The following LEF1 variants were observed in gnomAD, a reference collection of about 807,000 sequenced individuals.
The protein encoded by LEF1 is lymphoid enhancer binding factor 1.
A neutral mutation model predicts 51.2 loss-of-function variants in LEF1; 14 were observed. That is an observed-to-expected ratio of 0.27 (90% CI 0.18 to 0.43). LEF1 has a LOEUF of 0.43. Among genes scored for constraint, LEF1 ranks in the 20% least tolerant of loss-of-function variants. The pLI is 1.00. For missense variants in LEF1, 386 were observed against 512.0 expected, an observed-to-expected ratio of 0.75 and a Z score of 2.37; for synonymous variants, 185 against 183.2, an observed-to-expected ratio of 1.01 and a Z score of -0.08.
intron 11 of LEF1, among the ~76,000 whole-genome samples, chr4:108,057,079 C>T (rs1737356806): frequency 6.6e-6 from 1 of 152,046 alleles, no homozygotes; most frequent in South Asian, 2.1e-4. Flanking sequence ...CCTTCCCCTC[C>T]CTAGATGCAG....
At chr4:108,115,842 C>CACCT (rs1413365977) in intron 3 of LEF1, among the ~76,000 whole-genome samples, 5 of 131,960 alleles carry the variant, frequency 3.8e-5, no homozygotes, top group African/African-American at 1.5e-4. Context: ...TATAATGTAA[C>CACCT]ACATACACAC....
At chr4:108,087,455 A>T (rs567791166) in intron 4 of LEF1, among the ~76,000 whole-genome samples, 1 of 152,308 alleles carries the variant, frequency 6.6e-6, no homozygotes, top group African/African-American at 2.4e-5. Context: ...AAGCAATGAT[A>T]TAACTTAACA....
intron 1 of LEF1, among the ~76,000 whole-genome samples, chr4:108,165,653 A>G (rs1745337824): frequency 6.6e-6 from 1 of 152,238 alleles, no homozygotes; most frequent in African/African-American, 2.4e-5. Flanking sequence ...TCTTAAGGCA[A>G]CTGCCCTGAG....
intron 3 of LEF1, among the ~76,000 whole-genome samples, chr4:108,106,355 G>C (rs79151491): frequency 0.041 from 6,195 of 152,218 alleles, 394 homozygotes; most frequent in African/African-American, 0.14. Flanking sequence ...CCAGGCAGGA[G>C]GTAATAAGGA....
Position 108,131,388 on chromosome 4 carries a change from TAA to T in LEF1, c.414+32178_414+32179del, listed in dbSNP as rs34472924. Among the ~76,000 whole-genome samples, 432 of 139,128 alleles carry T rather than the reference TAA, an allele frequency of 3.1e-3. 1 individual carries two copies. The highest frequency in any genetic ancestry group is 6.4e-3 in the East Asian group (30 of 4,654). 91.3% of individuals were successfully genotyped at this position (139,128 alleles called of 152,430 possible). ...AGGTGACAGAGCAAGACCCTATCTC[TAA>T]AAAAAAAAAAAAAAATGTTTTAAAT... On this transcript the variant is annotated intron_variant, in intron 3 of 11. Transcript: ENST00000265165.
chr4:108,099,887 A>T (rs1010621337), intron 3 of LEF1, among the ~76,000 whole-genome samples: 3 of 152,066 alleles, frequency 2.0e-5, no homozygotes, highest in Admixed American at 6.6e-5. Context: ...AAGCAGTTAT[A>T]TGTAACTTCT....
At chr4:108,142,017 T>C (rs1036736566) in intron 3 of LEF1, among the ~76,000 whole-genome samples, 3 of 152,200 alleles carry the variant, frequency 2.0e-5, no homozygotes, top group Non-Finnish European at 4.4e-5. Context: ...GGGCATTTTA[T>C]AACTCAGACC....
intron 11 of LEF1, among the ~76,000 whole-genome samples, chr4:108,059,024 C>A (rs1464373900): frequency 1.3e-5 from 2 of 152,206 alleles, no homozygotes; most frequent in African/African-American, 2.4e-5. Context: ...GCTTGGGGAC[C>A]ACCATCTCCA....
chr4:108,080,522 T>C (rs1412970292), intron 6 of LEF1, among the ~76,000 whole-genome samples: 1 of 152,166 alleles, frequency 6.6e-6, no homozygotes, highest in Non-Finnish European at 1.5e-5. Context: ...AATTTTAAAA[T>C]ATGAAGGAAG....
At chr4:108,115,759 G>A (rs892137104) in intron 3 of LEF1, among the ~76,000 whole-genome samples, 2 of 151,928 alleles carry the variant, frequency 1.3e-5, no homozygotes, top group Non-Finnish European at 2.9e-5. Flanking sequence ...GTGAGACCTT[G>A]AAATTCATTT....
At chr4:108,164,742 A>ATACC (rs2110425698) in intron 2 of LEF1, among the ~76,000 whole-genome samples, 1 of 152,258 alleles carries the variant, frequency 6.6e-6, no homozygotes, top group Non-Finnish European at 1.5e-5. Flanking sequence ...AAATAAATCG[A>ATACC]TATATACTGT....
intron 4 of LEF1, among the ~76,000 whole-genome samples, chr4:108,088,540 C>T (rs7676998): frequency 0.45 from 68,588 of 152,064 alleles, 17,691 homozygotes; most frequent in Middle Eastern, 0.68. Context: ...ATTTTTCAGA[C>T]CTCTTGCACT....
intron 11 of LEF1, among the ~76,000 whole-genome samples, chr4:108,052,374 A>T (rs2126253756): frequency 6.6e-6 from 1 of 152,382 alleles, no homozygotes; most frequent in South Asian, 2.1e-4. Flanking sequence ...TACTAACAAG[A>T]GGCAGGAGCC....
At chr4:108,139,467 G>A (rs370610817) in intron 3 of LEF1, among the ~76,000 whole-genome samples, 48 of 152,330 alleles carry the variant, frequency 3.2e-4, no homozygotes, top group African/African-American at 1.1e-3. Flanking sequence ...GAAACTTGAA[G>A]GGCTGTTAAA....
chr4:108,125,523 T>C (rs1742472788), intron 3 of LEF1, among the ~76,000 whole-genome samples: 1 of 152,178 alleles, frequency 6.6e-6, no homozygotes, highest in Non-Finnish European at 1.5e-5. Flanking sequence ...TTCCACATGC[T>C]ATCATTTTCC....
Position 108,089,243 on chromosome 4 carries a change from G to A in LEF1, c.429C>T (p.Pro143=), listed in dbSNP as rs377211426. 1.1e-4 allele frequency: 174 copies of A among 1,613,804 alleles called. No homozygotes were observed. The highest frequency in any genetic ancestry group is 1.7e-4 in the African/African-American group (13 of 74,986). The change falls in exon 4 of 12, where the codon CCC becomes CCT. Residue 143 remains proline, a synonymous_variant. Coordinates refer to ENST00000265165, the MANE Select transcript of LEF1 (RefSeq NM_016269.5). The part of the protein sequence containing the change: ...PPIPRTSNKV[P]VVQPSHAVHP... Reference sequence around the variant, plus strand: ...GGACCGCATGGGATGGCTGCACCACGGGCACTTTATTTGACTGCAAAGTAA... The same window carrying A: ...GGACCGCATGGGATGGCTGCACCACAGGCACTTTATTTGACTGCAAAGTAA...
Position 108,167,876 on chromosome 4 carries a change from G to T in LEF1, c.-109C>A, listed in dbSNP as rs1578419371. 5.1e-6 allele frequency: 5 copies of T among 973,492 alleles called. No individual in the cohort carries two copies. The highest frequency in any genetic ancestry group is 3.3e-4 in the Middle Eastern group (1 of 2,988). 60.3% of individuals were successfully genotyped at this position (973,492 alleles called of 1,614,324 possible). A position where few individuals can be genotyped will look rare whatever the true frequency, so the allele number is the denominator to read the frequency against. ...GAGGAAAGGAGAGTTGGAAGGGTTC[G>T]TGCAGCAGGACAGCGGGCGGAAGCG... On this transcript the variant is annotated 5_prime_UTR_variant, in exon 1 of 12. Coordinates refer to ENST00000265165, the MANE Select transcript of LEF1 (RefSeq NM_016269.5). The surrounding 1 kb of genome is among the most constrained non-coding windows in gnomAD (Gnocchi z 5.7).
At chr4:108,133,926 CT>C (rs1043232546) in intron 3 of LEF1, among the ~76,000 whole-genome samples, 3 of 152,136 alleles carry the variant, frequency 2.0e-5, no homozygotes, top group Admixed American at 6.5e-5. Context: ...GTACAGGCCC[CT>C]AATCTCTTAT....
chr4:108,133,913 T>C (rs1007224979), intron 3 of LEF1, among the ~76,000 whole-genome samples: 4 of 152,164 alleles, frequency 2.6e-5, no homozygotes, highest in African/African-American at 9.6e-5. Context: ...TATCTACTCA[T>C]TGGTACAGGC....
Sources: gnomAD v4.1 joint callset for allele counts (sites outside exome capture counted in the v4.1 genomes callset) on GRCh38, gnomAD v4.1.1 for gene constraint, Gnocchi (gnomAD v3.1) non-coding constraint, MANE v1.5 for transcripts, NCBI Gene and HGNC (gene_info 2026-07-23, HGNC 2026-07-21) for gene names.